GALC: variants seen among roughly 807,000 people sequenced by gnomAD.
GALC encodes the protein galactocerebrosidase.
Under a neutral mutation model 91.8 loss-of-function variants are expected in GALC, and 77 were observed. That is an observed-to-expected ratio of 0.84 (90% CI 0.70 to 1.01). The LOEUF is 1.01. Ranked by LOEUF, GALC falls within the 50% of genes least tolerant of loss-of-function variation. GALC has a pLI of 0.00. For missense variants in GALC, 882 were observed against 855.9 expected (o/e 1.03, Z -0.38); for synonymous variants, 357 against 306.7 (o/e 1.16, Z -1.71).
rs751283440 is a variant in GALC at position 87,941,465 on chromosome 14, CAA to C, written c.1762_1763del (p.Leu588AspfsTer2). The stretch of plus-strand genomic sequence containing the variant: ...AGAAAATTCCTCTGGCACTTCTAAT[CAA>C]AATACCACCTTTATTTACTCTTCCT... The part of the protein sequence containing the change: ...IAGRVNKGGI[L>X]IRSARGIFFW... On this transcript the variant is annotated frameshift_variant, in exon 15 of 17. Transcript: ENST00000261304. LOFTEE classifies it high-confidence loss of function. The C allele has an allele frequency of 6.2e-7, 1 of 1,607,930 alleles. No individual in the cohort carries two copies. Among genetic ancestry groups the C allele is most frequent in the Non-Finnish European group, 8.5e-7 (1 of 1,174,874 alleles).
intron 9 of GALC, among the ~76,000 whole-genome samples, chr14:87,964,869 A>G (rs1158589224): frequency 2.0e-5 from 3 of 152,094 alleles, no homozygotes; most frequent in African/African-American, 7.2e-5. Context: ...ATCTGCCAGG[A>G]TCCTTCATAT....
chr14:87,973,720 T>A (rs1886386634), intron 7 of GALC, among the ~76,000 whole-genome samples: 1 of 152,166 alleles, frequency 6.6e-6, no homozygotes, highest in African/African-American at 2.4e-5. Context: ...TTCCTCAACC[T>A]CAGCACTATT....
chr14:87,960,478 T>TA (rs377628664), intron 10 of GALC, among the ~76,000 whole-genome samples: 7 of 152,360 alleles, frequency 4.6e-5, no homozygotes, highest in Admixed American at 2.0e-4. Context: ...TTGACCATTA[T>TA]ACCACATGTA....
In GALC at chr14:87,990,209, T is replaced by C. The variant is rs566812051; in HGVS notation, c.196-1686A>G. Among the ~76,000 whole-genome samples, 37 of 152,358 alleles carry C rather than the reference T, an allele frequency of 2.4e-4. No homozygotes were observed. The South Asian group carries it at 7.5e-3, about 31-fold the overall frequency. On this transcript the variant is annotated intron_variant, in intron 1 of 16. Transcript: ENST00000261304. ...GACATGGACTGTATCTTATTCAAGT[T>C]TGTATCCTCATTCTTTGTTATTCAA...
chr14:87,979,636 T>C (rs970200507), intron 6 of GALC, among the ~76,000 whole-genome samples: 9 of 152,166 alleles, frequency 5.9e-5, no homozygotes, highest in Non-Finnish European at 1.2e-4. Flanking sequence ...TAAAAGAAAA[T>C]GGAAACCGTA....
At chr14:87,993,573 A>T (rs918961332), upstream of GALC, 50 of 1,158,898 alleles carry the variant, frequency 4.3e-5, no homozygotes, top group Non-Finnish European at 5.2e-5. Flanking sequence ...TCTTGGTGGA[A>T]TCACTTTGCT....
At chr14:87,954,018 G>A in intron 10 of GALC, 1 of 1,609,744 alleles carries the variant, frequency 6.2e-7, no homozygotes, top group South Asian at 1.1e-5. Context: ...CGCAGATGTT[G>A]TTATTCATGA....
intron 1 of GALC, chr14:87,992,309 G>A: frequency 6.5e-7 from 1 of 1,535,692 alleles, no homozygotes; most frequent in South Asian, 1.2e-5. Context: ...CTCACCCAAA[G>A]GTCGGCCACC....
chr14:87,993,118 G>A lies in GALC; in HGVS notation c.47C>T (p.Ala16Val). The A allele has an allele frequency of 6.3e-7, 1 of 1,588,602 alleles. No homozygotes were observed. The highest frequency in any genetic ancestry group is 8.6e-7 in the Non-Finnish European group (1 of 1,168,514). ...LSASWQRRAK[A>V]MTAAAGSAGR... The stretch of plus-strand genomic sequence containing the variant: ...CGCCGAACCCGCGGCCGCAGTCATA[G>A]CTTTCGCTCGGCGTTGCCAGGAAGC... Residue 16 changes from alanine to valine, a missense_variant, in exon 1 of 17, where the codon GCT becomes GTT. Transcript: ENST00000261304.
intron 10 of GALC, chr14:87,953,844 T>A: frequency 6.2e-7 from 1 of 1,609,930 alleles, no homozygotes; most frequent in African/African-American, 1.3e-5. Flanking sequence ...GCTATCTCCA[T>A]GTCATGTGAA....
At position 87,993,147 on chromosome 14, in the gene GALC, G is replaced by C. The variant is rs886038260; in HGVS notation, c.18C>G (p.Leu6=). Residue 6 remains leucine (L), a synonymous_variant, in exon 1 of 17, where the codon CTC becomes CTG. Transcript: ENST00000261304. MAEWL[L]SASWQRRAKA... is the part of the protein sequence containing the mutation. The stretch of plus-strand genomic sequence containing the variant: ...TCGCTCGGCGTTGCCAGGAAGCCGA[G>C]AGTAGCCACTCAGCCATTGTGTGGG... 95 of 1,583,960 alleles carry C rather than the reference G, an allele frequency of 6.0e-5. No individual in the cohort carries two copies. The highest frequency in any genetic ancestry group is 8.0e-5 in the Non-Finnish European group (93 of 1,166,266).
chr14:87,988,027 A>C (rs988348422), intron 3 of GALC, 117 bp downstream of exon 3: 111 of 790,664 alleles, frequency 1.4e-4, no homozygotes, highest in Non-Finnish European at 2.2e-4. Context: ...TCTAATAAGC[A>C]ACAATCAATC....
At chr14:87,982,370 G>A in intron 5 of GALC, 127 bp from the exon 6 acceptor site, 1 of 625,262 alleles carries the variant, frequency 1.6e-6, no homozygotes, top group African/African-American at 1.9e-5. Context: ...TTAACTTTAT[G>A]GGATATCCTG....
intron 14 of GALC, among the ~76,000 whole-genome samples, chr14:87,942,879 A>C (rs1321299085): frequency 6.6e-6 from 1 of 152,034 alleles, no homozygotes; most frequent in Non-Finnish European, 1.5e-5. Flanking sequence ...CTGACATCAG[A>C]GGGAGTTTTC....
In GALC at chr14:87,933,834, T is replaced by A. The variant is rs772671366; in HGVS notation, c.*898A>T. 1.5e-6 allele frequency: 1 copy of A among 650,400 alleles called. No individual in the cohort carries two copies. The highest frequency in any genetic ancestry group is 2.6e-6 in the Non-Finnish European group (1 of 383,424). 40.3% of individuals were successfully genotyped at this position (650,400 alleles called of 1,614,324 possible). ...CCAATTCTGGGAGTTAGCAAATGTCTAAGTGCTCCCCTCCTTCCACACATA... is the reference window on the plus strand; with the variant it reads ...CCAATTCTGGGAGTTAGCAAATGTCAAAGTGCTCCCCTCCTTCCACACATA... On this transcript the variant is annotated 3_prime_UTR_variant, in exon 17 of 17. Transcript: ENST00000261304.
intron 7 of GALC, among the ~76,000 whole-genome samples, chr14:87,975,362 T>C (rs79026265): frequency 0.11 from 17,137 of 152,104 alleles, 1,123 homozygotes; most frequent in Non-Finnish European, 0.16. Context: ...TAAATGGATC[T>C]AGATTCAATC....
In GALC at chr14:87,986,600, C is replaced by T. The variant is rs756690487; in HGVS notation, c.331G>A (p.Gly111Ser). The change falls in exon 4 of 17, where the codon GGC (glycine) becomes AGC (serine). Residue 111 changes from glycine (G) to serine (S), a missense_variant and splice_region_variant. Transcript: ENST00000261304. ...EIGGDGQTTD[G>S]TEPSHMHYAL... The stretch of plus-strand genomic sequence containing the variant: ...TAATGCATGTGGGAGGGCTCAGTGC[C>T]GTCTGAATAGAGGAGAGCAAAAACG... The T allele has an allele frequency of 3.1e-6, 5 of 1,604,548 alleles. No individual in the cohort carries two copies. In the Admixed American group the frequency reaches 5.0e-5, roughly 16 times the overall value.
chr14:87,976,109 C>A (rs957694367), intron 7 of GALC, among the ~76,000 whole-genome samples: 2 of 152,200 alleles, frequency 1.3e-5, no homozygotes, highest in Non-Finnish European at 2.9e-5. Flanking sequence ...AAAACAAAGC[C>A]CTGTTTTATT....
chr14:87,958,729 A>C (rs1885668723), intron 10 of GALC, among the ~76,000 whole-genome samples: 1 of 152,192 alleles, frequency 6.6e-6, no homozygotes. Flanking sequence ...CAAAGGTGCC[A>C]AGAACACGCT....
Sources: gnomAD v4.1 joint callset for allele counts (sites outside exome capture counted in the v4.1 genomes callset) on GRCh38, gnomAD v4.1.1 for gene constraint, MANE v1.5 for transcripts, NCBI Gene and HGNC (gene_info 2026-07-23, HGNC 2026-07-21) for gene names.